The following AKAP6 variants were observed in gnomAD, a reference collection of about 807,000 sequenced individuals.
AKAP6 encodes A-kinase anchor protein 6.
In AKAP6, 58 loss-of-function variants were observed where a neutral mutation model predicts 188.5. That is an observed-to-expected ratio of 0.31 (90% CI 0.25 to 0.38). AKAP6 has a LOEUF of 0.38. AKAP6 is among the 10% of genes least tolerant of loss of function. The pLI is 1.00. For missense variants in AKAP6, 2,710 were observed against 2,740.0 expected (o/e 0.99, Z 0.24); for synonymous variants, 989 against 998.6 (o/e 0.99, Z 0.18).
chr14:32,462,895 G>T (rs1454232913), intron 2 of AKAP6, among the ~76,000 whole-genome samples: 1 of 28,570 alleles, frequency 3.5e-5, no homozygotes, highest in African/African-American at 2.2e-4. Context: ...CCAAGCAAAT[G>T]GAAAGCAAAA....
chr14:32,643,586 A>G (rs1325843393), intron 7 of AKAP6, among the ~76,000 whole-genome samples: 2 of 152,134 alleles, frequency 1.3e-5, no homozygotes, highest in Non-Finnish European at 2.9e-5. Flanking sequence ...GATTACAGGC[A>G]TGAGCCACCA....
At position 32,546,699 on chromosome 14, in the gene AKAP6, A is replaced by T; in HGVS notation, c.2046A>T (p.Pro682=). 6.2e-7 allele frequency: 1 copy of T among 1,614,150 alleles called. No homozygotes were observed. The highest frequency in any genetic ancestry group is 8.5e-7 in the Non-Finnish European group (1 of 1,180,026). Reference sequence around the variant, plus strand: ...TGAATTCAGATTCTGAAATCTATCCAACCTATCATGTCAAAAAGAAGCATA... The same window carrying T: ...TGAATTCAGATTCTGAAATCTATCCTACCTATCATGTCAAAAAGAAGCATA... ...SEMNSDSEIY[P]TYHVKKKHTR... is the part of the protein sequence containing the mutation. Residue 682 remains proline, a synonymous_variant, in exon 4 of 14, where the codon CCA becomes CCT. Transcript: ENST00000280979.
chr14:32,747,178 T>C (rs1452949192), intron 11 of AKAP6, among the ~76,000 whole-genome samples: 1 of 152,192 alleles, frequency 6.6e-6, no homozygotes, highest in Admixed American at 6.5e-5. Context: ...AATGGTATCA[T>C]AAGTAATCTC....
At chr14:32,710,471 G>C (rs1010614528) in intron 9 of AKAP6, among the ~76,000 whole-genome samples, 1 of 152,044 alleles carries the variant, frequency 6.6e-6, no homozygotes, top group Non-Finnish European at 1.5e-5. Flanking sequence ...TGGAGAAAAA[G>C]ATGTTAAGAG....
chr14:32,724,302 T>G (rs1166236224), intron 9 of AKAP6, among the ~76,000 whole-genome samples: 1 of 152,174 alleles, frequency 6.6e-6, no homozygotes, highest in Non-Finnish European at 1.5e-5. Context: ...TAACATCCAT[T>G]AAACAATGAT....
chr14:32,789,044 C>T (rs755443082), intron 12 of AKAP6, among the ~76,000 whole-genome samples: 32 of 150,988 alleles, frequency 2.1e-4, no homozygotes, highest in Non-Finnish European at 1.0e-4. Context: ...CACCTTTGGA[C>T]AATACAAACC....
At chr14:32,528,207 G>A (rs1454805752) in intron 2 of AKAP6, among the ~76,000 whole-genome samples, 4 of 151,838 alleles carry the variant, frequency 2.6e-5, no homozygotes, top group East Asian at 1.9e-4. Flanking sequence ...CATTTGTTGA[G>A]AAGACTGTCT....
intron 7 of AKAP6, among the ~76,000 whole-genome samples, chr14:32,647,174 A>G (rs1594809855): frequency 6.6e-6 from 1 of 152,110 alleles, no homozygotes; most frequent in African/African-American, 2.4e-5. Flanking sequence ...TATTATTATA[A>G]AAATGAAATG....
At position 32,410,938 on chromosome 14, in the gene AKAP6, A is replaced by G. The variant is rs1278741700; in HGVS notation, c.-34-22522A>G. On this transcript the variant is annotated intron_variant, in intron 1 of 13. Transcript: ENST00000280979. Reference sequence around the variant, plus strand: ...TAATTCAAGCATAAATTGTAAGTGCATCTGTGCTCAACCATGCATAACTTG... The same window carrying G: ...TAATTCAAGCATAAATTGTAAGTGCGTCTGTGCTCAACCATGCATAACTTG... Among the ~76,000 whole-genome samples the G allele has an allele frequency of 7.2e-5, 11 of 152,322 alleles. No individual in the cohort carries two copies. The East Asian group carries it at 1.9e-3, about 27-fold the overall frequency.
intron 12 of AKAP6, among the ~76,000 whole-genome samples, chr14:32,806,126 A>G (rs974033618): frequency 1.3e-5 from 2 of 152,194 alleles, no homozygotes; most frequent in Non-Finnish European, 2.9e-5. Flanking sequence ...AAGAAGTACC[A>G]TTTGAGTGCC....
chr14:32,712,186 C>T (rs10142378), intron 9 of AKAP6, among the ~76,000 whole-genome samples: 14,584 of 151,936 alleles, frequency 0.096, 819 homozygotes, highest in East Asian at 0.19. Context: ...ATAAAAGTTG[C>T]GTTTACACTA....
intron 12 of AKAP6, among the ~76,000 whole-genome samples, chr14:32,783,199 T>G (rs2033304723): frequency 6.6e-6 from 1 of 152,118 alleles, no homozygotes; most frequent in South Asian, 2.1e-4. Context: ...ACAATTGAAT[T>G]TCCATATGCA....
chr14:32,412,481 ATACT>A (rs1431762520), intron 1 of AKAP6, among the ~76,000 whole-genome samples: 2 of 152,228 alleles, frequency 1.3e-5, no homozygotes, highest in Admixed American at 6.5e-5. Context: ...TATTGACACA[ATACT>A]TACTACTCTC....
chr14:32,431,572 A>G (rs898873162), intron 1 of AKAP6, among the ~76,000 whole-genome samples: 1 of 152,050 alleles, frequency 6.6e-6, no homozygotes, highest in Admixed American at 6.6e-5. Flanking sequence ...CAATGGTGCA[A>G]TCTCGGCTCA....
At chr14:32,680,795 G>T (rs999085617) in intron 8 of AKAP6, among the ~76,000 whole-genome samples, 1 of 152,148 alleles carries the variant, frequency 6.6e-6, no homozygotes, top group East Asian at 1.9e-4. Context: ...TGACAAAAAG[G>T]TATGTTATCA....
chr14:32,742,627 A>G (rs914547928), intron 11 of AKAP6, among the ~76,000 whole-genome samples: 6 of 151,874 alleles, frequency 4.0e-5, no homozygotes, highest in Non-Finnish European at 8.8e-5. Context: ...TTATTGACCC[A>G]TTGGTCATTC....
At chr14:32,782,128 G>A (rs544512957) in intron 12 of AKAP6, among the ~76,000 whole-genome samples, 1 of 132,866 alleles carries the variant, frequency 7.5e-6, no homozygotes, top group Non-Finnish European at 1.6e-5. Flanking sequence ...TCACGCCACT[G>A]TATTCCAGCC....
At position 32,824,178 on chromosome 14, in the gene AKAP6, G is replaced by A. The variant is rs1348042402; in HGVS notation, c.6365G>A (p.Cys2122Tyr). The A allele has an allele frequency of 3.1e-6, 5 of 1,613,962 alleles. No individual in the cohort carries two copies. The highest frequency in any genetic ancestry group is 1.1e-5 in the South Asian group (1 of 91,080). The stretch of plus-strand genomic sequence containing the variant: ...TCTCTCTCATCTCATGACAGTGATT[G>A]TGGGGAGGTCACCAATTACATAGAA... ...YLSLSSHDSD[C>Y]GEVTNYIEEK... The change falls in exon 13 of 14, where the codon TGT becomes TAT. Residue 2122 changes from cysteine to tyrosine, a missense_variant. Coordinates refer to ENST00000280979, the MANE Select transcript of AKAP6 (RefSeq NM_004274.5).
At chr14:32,800,886 G>A (rs1366738283) in intron 12 of AKAP6, among the ~76,000 whole-genome samples, 1 of 152,056 alleles carries the variant, frequency 6.6e-6, no homozygotes, top group African/African-American at 2.4e-5. Flanking sequence ...GCATAGTGGT[G>A]CATACCTGTG....
Sources: allele counts gnomAD v4.1 joint callset (sites outside exome capture counted in the v4.1 genomes callset), GRCh38; gene constraint gnomAD v4.1.1; transcripts MANE v1.5; gene names NCBI Gene and HGNC (gene_info 2026-07-23, HGNC 2026-07-21).